Variants in SIK3 observed in about 807,000 individuals in gnomAD.
The protein encoded by SIK3 is serine/threonine-protein kinase SIK3.
A neutral mutation model predicts 144.2 loss-of-function variants in SIK3; 28 were observed. The observed-to-expected ratio is 0.19, with a 90% CI of 0.14 to 0.27. The LOEUF (loss-of-function observed/expected upper bound fraction) is 0.27, where lower values mean the gene tolerates loss of function less well. Ranked by LOEUF, SIK3 falls within the 10% of genes least tolerant of loss-of-function variation. The pLI is 1.00. For synonymous variants in SIK3, 686 were observed against 676.3 expected, an observed-to-expected ratio of 1.01 and a Z score of -0.22; for missense variants, 1,319 against 1,776.0, an observed-to-expected ratio of 0.74 and a Z score of 4.62.
At chr11:117,015,169 T>A (rs1951465522) in intron 1 of SIK3, among the ~76,000 whole-genome samples, 1 of 152,132 alleles carries the variant, frequency 6.6e-6, no homozygotes, top group Admixed American at 6.5e-5. Context: ...GACTTGAATA[T>A]CACAGCTAAT....
At chr11:116,935,190 G>A (rs1947847714) in intron 3 of SIK3, among the ~76,000 whole-genome samples, 1 of 152,130 alleles carries the variant, frequency 6.6e-6, no homozygotes, top group African/African-American at 2.4e-5. Context: ...CGAGGCTGCA[G>A]TGAGCTATGA....
chr11:116,972,004 T>G (rs1247953400), intron 1 of SIK3, among the ~76,000 whole-genome samples: 1 of 150,688 alleles, frequency 6.6e-6, no homozygotes, highest in Non-Finnish European at 1.5e-5. Flanking sequence ...GAGAACTGCT[T>G]AAACCTGGAG....
chr11:116,962,229 A>G (rs1287041701), intron 1 of SIK3, among the ~76,000 whole-genome samples: 4 of 152,216 alleles, frequency 2.6e-5, no homozygotes, highest in African/African-American at 9.6e-5. Flanking sequence ...CCTATAGCAG[A>G]TAGTACGGAT....
At chr11:117,085,900 C>T (rs1954982945) in intron 1 of SIK3, among the ~76,000 whole-genome samples, 1 of 152,086 alleles carries the variant, frequency 6.6e-6, no homozygotes, top group South Asian at 2.1e-4. Flanking sequence ...TTGCAGTGAG[C>T]CGAGATCATG....
At chr11:116,972,339 G>A (rs769639981) in intron 1 of SIK3, among the ~76,000 whole-genome samples, 1 of 152,138 alleles carries the variant, frequency 6.6e-6, no homozygotes, top group Non-Finnish European at 1.5e-5. Context: ...ATGGTAATGA[G>A]TTGTTAAATA....
chr11:117,080,058 A>G (rs1027724492), intron 1 of SIK3, among the ~76,000 whole-genome samples: 2 of 152,144 alleles, frequency 1.3e-5, no homozygotes, highest in African/African-American at 4.8e-5. Context: ...ATTAATAATA[A>G]TAATAAAGCT....
chr11:116,891,957 C>T lies in SIK3; in HGVS notation c.865+4296G>A, dbSNP rs151069602. Among the ~76,000 whole-genome samples, 5 of 152,250 alleles carry T rather than the reference C, an allele frequency of 3.3e-5. No individual in the cohort carries two copies. In the East Asian group the frequency reaches 5.8e-4, roughly 18 times the overall value. ...AGGAAACATCAAGGCTTGTGCTGGCCTTGGTCAGATGGTGATGCTATTCAC... is the reference window on the plus strand; with the variant it reads ...AGGAAACATCAAGGCTTGTGCTGGCTTTGGTCAGATGGTGATGCTATTCAC... On this transcript the variant is annotated intron_variant, in intron 6 of 24. Transcript: ENST00000445177.
rs1304645273 is a variant in SIK3 at position 116,849,780 on chromosome 11, G to C, written c.3656-497C>G. Among the ~76,000 whole-genome samples, 1 of 151,964 alleles carries C rather than the reference G, an allele frequency of 6.6e-6. No individual in the cohort carries two copies. Among genetic ancestry groups the C allele is most frequent in the Non-Finnish European group, 1.5e-5 (1 of 67,996 alleles). On this transcript the variant is annotated intron_variant, in intron 21 of 24. Transcript: ENST00000445177. The surrounding 1 kb of genome is among the most constrained non-coding windows in gnomAD (Gnocchi z 4.2). The stretch of plus-strand genomic sequence containing the variant: ...TGGCCCCTCCACCCTTTCTAAGCAA[G>C]TACTCTCCACATTTTTGTCCTTGAC...
intron 1 of SIK3, among the ~76,000 whole-genome samples, chr11:117,072,124 ACACCTGTAATCCCAG>A (rs975071026): frequency 3.3e-5 from 5 of 152,138 alleles, no homozygotes; most frequent in African/African-American, 1.2e-4. Flanking sequence ...GTGGTGGCTC[ACACCTGTAATCCCAG>A]CACTTTGGGA....
intron 1 of SIK3, among the ~76,000 whole-genome samples, chr11:117,086,753 T>C (rs1591680702): frequency 6.6e-6 from 1 of 150,974 alleles, no homozygotes; most frequent in Admixed American, 6.6e-5. Context: ...TCCCAGCACT[T>C]TGGGAGGTCG....
chr11:116,852,002 A>G (rs1055275648), intron 21 of SIK3, among the ~76,000 whole-genome samples: 9 of 152,242 alleles, frequency 5.9e-5, no homozygotes, highest in Non-Finnish European at 1.0e-4. Flanking sequence ...GCCTGATTAT[A>G]TAGTTGGATG....
intron 1 of SIK3, among the ~76,000 whole-genome samples, chr11:117,065,021 C>T (rs1241529791): frequency 2.0e-5 from 3 of 151,954 alleles, no homozygotes; most frequent in African/African-American, 4.8e-5. Context: ...AGGTGGCACA[C>T]GCCTGTAGTC....
chr11:116,900,312 G>A (rs1945665699), intron 4 of SIK3, among the ~76,000 whole-genome samples: 1 of 152,148 alleles, frequency 6.6e-6, no homozygotes, highest in South Asian at 2.1e-4. Context: ...AACTCCATGT[G>A]TCTTGACTCC....
intron 1 of SIK3, among the ~76,000 whole-genome samples, chr11:117,076,443 G>T (rs374721788): frequency 6.6e-6 from 1 of 152,040 alleles, no homozygotes; most frequent in East Asian, 1.9e-4. Context: ...GCATTCTTCC[G>T]AAACCTTTCA....
intron 1 of SIK3, among the ~76,000 whole-genome samples, chr11:117,051,376 G>A (rs999762311): frequency 2.0e-5 from 3 of 151,844 alleles, no homozygotes; most frequent in Non-Finnish European, 4.4e-5. Context: ...AGGATTTCTC[G>A]GCCTCCATGA....
At chr11:116,874,618 T>G (rs1944146600) in intron 11 of SIK3, among the ~76,000 whole-genome samples, 1 of 152,226 alleles carries the variant, frequency 6.6e-6, no homozygotes, top group Non-Finnish European at 1.5e-5. Context: ...AATGTTCCCC[T>G]ATTGCCTATT....
chr11:117,069,187 G>T lies in SIK3; in HGVS notation c.273+28956C>A, dbSNP rs1164500775. Reference sequence around the variant, plus strand: ...GGTAGTTGTTAAGATTTTTTTTTGGGGGGGGGGGGGTTTGTTGTTGTTATT... The same window carrying T: ...GGTAGTTGTTAAGATTTTTTTTTGGTGGGGGGGGGGTTTGTTGTTGTTATT... On this transcript the variant is annotated intron_variant, in intron 1 of 24. Transcript: ENST00000445177. Among the ~76,000 whole-genome samples the T allele has an allele frequency of 4.3e-4, 23 of 53,878 alleles. 1 individual carries two copies. The highest frequency in any genetic ancestry group is 2.2e-3 in the South Asian group (4 of 1,822). The allele number at this position is 53,878 out of a possible 152,430, so 35.3% of individuals were successfully genotyped here.
chr11:117,012,827 G>GTTT (rs397940864), intron 1 of SIK3, among the ~76,000 whole-genome samples: 19 of 133,922 alleles, frequency 1.4e-4, no homozygotes, highest in African/African-American at 3.2e-4. Context: ...AATTCTTAGG[G>GTTT]TTTTTTTTTT....
At chr11:116,879,898 CAT>C (rs149301072) in intron 6 of SIK3, among the ~76,000 whole-genome samples, 3,791 of 152,280 alleles carry the variant, frequency 0.025, 89 homozygotes, top group South Asian at 0.11. Flanking sequence ...GTCATTGACA[CAT>C]ATGTTTATCG....
Sources: gnomAD v4.1 joint callset for allele counts (sites outside exome capture counted in the v4.1 genomes callset) on GRCh38, gnomAD v4.1.1 for gene constraint, Gnocchi (gnomAD v3.1) non-coding constraint, MANE v1.5 for transcripts, NCBI Gene and HGNC (gene_info 2026-07-23, HGNC 2026-07-21) for gene names.